ZNF600: variants seen among roughly 807,000 people sequenced by gnomAD.
ZNF600 encodes the protein zinc finger protein KR-ZNF1.
A neutral mutation model predicts 7.3 loss-of-function variants in ZNF600; 4 were observed. That is an observed-to-expected ratio of 0.55 (90% confidence interval 0.27 to 1.25). The LOEUF (loss-of-function observed/expected upper bound fraction) is 1.25. Among genes scored for constraint, ZNF600 ranks in the 50% most tolerant of loss-of-function variants. The pLI is 0.12. For synonymous variants in ZNF600, 290 were observed against 308.9 expected, an observed-to-expected ratio of 0.94 and a Z score of 0.64; for missense variants, 911 against 922.1, an observed-to-expected ratio of 0.99 and a Z score of 0.16.
At chr19:52,798,728 T>C in the ZNF600 span, 1 of 499,616 alleles carries the variant, frequency 2.0e-6, no homozygotes, top group Non-Finnish European at 3.8e-6. Flanking sequence ...AATAGCAATA[T>C]ATGAACGATA....
intron 1 of ZNF600, among the ~76,000 whole-genome samples, chr19:52,779,117 A>C (rs2062700167): frequency 6.6e-6 from 1 of 152,160 alleles, no homozygotes; most frequent in Admixed American, 6.5e-5. Context: ...CTCCTGGAGA[A>C]GCCCCCACAC....
chr19:52,807,187 A>G, the ZNF600 span, among the ~76,000 whole-genome samples: 3 of 152,212 alleles, frequency 2.0e-5, no homozygotes, highest in African/African-American at 7.2e-5. Flanking sequence ...TCCAACATGG[A>G]GACAGCAGGT....
At chr19:52,810,921 A>G in the ZNF600 span, among the ~76,000 whole-genome samples, 231 of 88,994 alleles carry the variant, frequency 2.6e-3, 2 homozygotes, top group African/African-American at 9.4e-3. Flanking sequence ...CTCCCTCCAC[A>G]GTCTCCCTCT....
chr19:52,790,779 C>T (rs966276585), upstream of ZNF600, among the ~76,000 whole-genome samples: 2 of 150,556 alleles, frequency 1.3e-5, no homozygotes, highest in South Asian at 4.2e-4. Context: ...CTCGACTTCC[C>T]GGATTCAAGT....
At chr19:52,811,035 A>G in the ZNF600 span, among the ~76,000 whole-genome samples, 72 of 139,312 alleles carry the variant, frequency 5.2e-4, no homozygotes, top group Non-Finnish European at 7.8e-4. Flanking sequence ...GATTGCAGGC[A>G]CGCGCCGCCA....
chr19:52,783,080 G>T (rs2062736307), intron 1 of ZNF600, among the ~76,000 whole-genome samples: 1 of 144,142 alleles, frequency 6.9e-6, no homozygotes, highest in South Asian at 2.2e-4. Context: ...AGGGAAGAGG[G>T]TGATCCACAA....
At chr19:52,791,208 G>A (rs2062790043), upstream of ZNF600, among the ~76,000 whole-genome samples, 1 of 152,170 alleles carries the variant, frequency 6.6e-6, no homozygotes, top group Admixed American at 6.5e-5. Flanking sequence ...GAACAATGCA[G>A]GCTGTGCAGC....
At chr19:52,788,137 G>T (rs890395633), upstream of ZNF600, among the ~76,000 whole-genome samples, 3 of 152,152 alleles carry the variant, frequency 2.0e-5, no homozygotes, top group Non-Finnish European at 4.4e-5. Context: ...GCCCAGTGCA[G>T]CCTCTTCCCA....
At chr19:52,810,830 A>G in the ZNF600 span, 3 of 261,280 alleles carry the variant, frequency 1.1e-5, no homozygotes, top group Non-Finnish European at 2.1e-5. Flanking sequence ...ATATATTTTT[A>G]AAAAAAGAGT....
the ZNF600 span, chr19:52,799,793 A>C: frequency 1.2e-6 from 2 of 1,614,130 alleles, no homozygotes; most frequent in Admixed American, 1.7e-5. Flanking sequence ...CTCCAGTATG[A>C]ACTCTCTGAT....
chr19:52,787,401 CTTTTTTTT>C (rs1167453014), upstream of ZNF600, among the ~76,000 whole-genome samples: 845 of 114,826 alleles, frequency 7.4e-3, 10 homozygotes, highest in African/African-American at 0.027. Flanking sequence ...CGCTCTTTTA[CTTTTTTTT>C]TTTTTTTTTT....
At chr19:52,827,794 C>T in the ZNF600 span, among the ~76,000 whole-genome samples, 1 of 152,010 alleles carries the variant, frequency 6.6e-6, no homozygotes. Flanking sequence ...ATCCACCCGC[C>T]TCAGCCTCCC....
chr19:52,829,430 A>C, the ZNF600 span, among the ~76,000 whole-genome samples: 1 of 139,050 alleles, frequency 7.2e-6, no homozygotes, highest in Non-Finnish European at 1.5e-5. Flanking sequence ...GCTAGAGTGC[A>C]ATGGCCTGAT....
intron 3 of ZNF600, among the ~76,000 whole-genome samples, chr19:52,773,319 G>T (rs1046861520): frequency 2.6e-5 from 4 of 152,134 alleles, no homozygotes; most frequent in Admixed American, 6.6e-5. Context: ...TTACAATATG[G>T]GCAAGGGACA....
the ZNF600 span, among the ~76,000 whole-genome samples, chr19:52,820,858 T>C: frequency 6.6e-6 from 1 of 152,134 alleles, no homozygotes; most frequent in Non-Finnish European, 1.5e-5. Flanking sequence ...TGGGTCTTTC[T>C]CATTCTTCTT....
exon 4 of ZNF600, chr19:52,766,995 A>G: frequency 6.2e-7 from 1 of 1,613,644 alleles, no homozygotes; most frequent in Non-Finnish European, 8.5e-7. Context: ...TTGACCAAAG[A>G]TCTTGCCACA....
the ZNF600 span, among the ~76,000 whole-genome samples, chr19:52,820,687 T>G: frequency 6.6e-6 from 1 of 152,160 alleles, no homozygotes; most frequent in Non-Finnish European, 1.5e-5. Context: ...CCTCCACATT[T>G]CTGCCCCTCT....
the ZNF600 span, chr19:52,799,067 G>C: frequency 1.1e-5 from 5 of 470,340 alleles, no homozygotes; most frequent in Admixed American, 1.3e-4. Flanking sequence ...GCTGTGATTT[G>C]TGACTGACAA....
chr19:52,828,847 A>G, the ZNF600 span, among the ~76,000 whole-genome samples: 2 of 151,920 alleles, frequency 1.3e-5, no homozygotes, highest in African/African-American at 4.8e-5. Flanking sequence ...CAGTGCCTTT[A>G]TTTTTATTTT....
Sources: allele counts gnomAD v4.1 joint callset (sites outside exome capture counted in the v4.1 genomes callset), GRCh38; gene constraint gnomAD v4.1.1; transcripts MANE v1.5; gene names NCBI Gene and HGNC (gene_info 2026-07-23, HGNC 2026-07-21).